Variants in CELF2 observed in about 807,000 individuals in gnomAD.
The protein encoded by CELF2 is CUG triplet repeat RNA-binding protein 2.
Under a neutral mutation model 62.6 loss-of-function variants are expected in CELF2, and 8 were observed. That is an observed-to-expected ratio of 0.13 (90% CI 0.07 to 0.23). The LOEUF (loss-of-function observed/expected upper bound fraction) is 0.23, where lower values mean the gene tolerates loss of function less well. Ranked by LOEUF, CELF2 falls within the 10% of genes least tolerant of loss-of-function variation. CELF2 has a pLI of 1.00. For synonymous variants in CELF2, 258 were observed against 250.0 expected (o/e 1.03, Z -0.30); for missense variants, 333 against 671.0 (o/e 0.50, Z 5.56).
At chr10:11,068,691 G>C (rs1460646216) in intron 1 of CELF2, among the ~76,000 whole-genome samples, 1 of 151,946 alleles carries the variant, frequency 6.6e-6, no homozygotes, top group East Asian at 1.9e-4. Flanking sequence ...CTCCCGAGTA[G>C]CTGGGGCTAC....
chr10:11,140,850 C>A (rs1475786672), intron 1 of CELF2, among the ~76,000 whole-genome samples: 1 of 152,130 alleles, frequency 6.6e-6, no homozygotes, highest in Non-Finnish European at 1.5e-5. Context: ...GAACCCATCT[C>A]TACAAAAAAT....
intron 1 of CELF2, among the ~76,000 whole-genome samples, chr10:10,840,374 A>C (rs2058599049): frequency 6.6e-6 from 1 of 152,208 alleles, no homozygotes. Flanking sequence ...AGCAATTGGC[A>C]TTGCCAATTT....
At chr10:11,113,626 C>G (rs188622726) in intron 1 of CELF2, among the ~76,000 whole-genome samples, 6 of 152,310 alleles carry the variant, frequency 3.9e-5, no homozygotes, top group Admixed American at 3.9e-4. Flanking sequence ...TGCTCTGTAT[C>G]AGAAGCAAGT....
intron 1 of CELF2, among the ~76,000 whole-genome samples, chr10:11,129,675 A>G (rs938778008): frequency 2.0e-5 from 3 of 152,132 alleles, no homozygotes; most frequent in South Asian, 2.1e-4. Context: ...AGAGGTGTTT[A>G]CAGTATTCTC....
At chr10:10,809,778 G>T (rs1350409880) in intron 1 of CELF2, among the ~76,000 whole-genome samples, 1 of 152,098 alleles carries the variant, frequency 6.6e-6, no homozygotes, top group Non-Finnish European at 1.5e-5. Flanking sequence ...TGAAAATAAT[G>T]ATTTAATTTG....
At chr10:10,678,158 C>G in the CELF2 span, among the ~76,000 whole-genome samples, 1 of 151,998 alleles carries the variant, frequency 6.6e-6, no homozygotes, top group Non-Finnish European at 1.5e-5. Flanking sequence ...TGTAAAATTA[C>G]TTTATAGGAG....
the CELF2 span, among the ~76,000 whole-genome samples, chr10:10,607,387 A>G: frequency 6.6e-6 from 1 of 152,206 alleles, no homozygotes; most frequent in Non-Finnish European, 1.5e-5. Context: ...TGTGACTCCC[A>G]TTTGTAACTT....
intron 11 of CELF2, among the ~76,000 whole-genome samples, chr10:11,323,081 G>A (rs369096852): frequency 3.3e-5 from 5 of 151,740 alleles, no homozygotes; most frequent in Non-Finnish European, 4.4e-5. Context: ...AACATGTTTC[G>A]AAACAACATG....
the CELF2 span, among the ~76,000 whole-genome samples, chr10:10,790,493 T>A: frequency 3.3e-5 from 5 of 152,184 alleles, no homozygotes; most frequent in Admixed American, 6.5e-5. Flanking sequence ...TAGAGTATAA[T>A]ACATGATACA....
chr10:10,798,426 C>G (rs1449475425), upstream of CELF2: 3 of 225,784 alleles, frequency 1.3e-5, no homozygotes, highest in African/African-American at 4.5e-5. Flanking sequence ...TGTGTTTGTT[C>G]CCAAAGAAAG....
chr10:10,625,523 A>G, the CELF2 span, among the ~76,000 whole-genome samples: 1 of 152,018 alleles, frequency 6.6e-6, no homozygotes, highest in Non-Finnish European at 1.5e-5. Context: ...TCAGCTGGGA[A>G]TGCAGAGAAG....
chr10:11,013,397 C>G (rs2056777040), upstream of CELF2, among the ~76,000 whole-genome samples: 1 of 152,164 alleles, frequency 6.6e-6, no homozygotes, highest in Non-Finnish European at 1.5e-5. The surrounding 1 kb of genome is among the most constrained non-coding windows in gnomAD (Gnocchi z 4.1). Flanking sequence ...ATCCACAGTG[C>G]TAACATTTCA....
the CELF2 span, among the ~76,000 whole-genome samples, chr10:10,587,373 A>G: frequency 6.6e-6 from 1 of 152,146 alleles, no homozygotes; most frequent in Non-Finnish European, 1.5e-5. Flanking sequence ...ACGCATTTGC[A>G]TTTGAAATCA....
chr10:10,644,461 T>C, the CELF2 span, among the ~76,000 whole-genome samples: 2 of 151,362 alleles, frequency 1.3e-5, no homozygotes, highest in African/African-American at 4.9e-5. Flanking sequence ...GGAGACAGAG[T>C]AGTGTCAGCT....
In CELF2 at chr10:11,324,827, C is replaced by CA. The variant is rs2095637654; in HGVS notation, c.1295-1008dup. 6.6e-6 allele frequency among the ~76,000 whole-genome samples: 1 copy of CA among 152,188 alleles called. No homozygotes were observed. The highest frequency in any genetic ancestry group is 2.1e-4 in the South Asian group (1 of 4,816). On this transcript the variant is annotated intron_variant, in intron 11 of 12. Coordinates refer to ENST00000633077, the MANE Select transcript of CELF2 (RefSeq NM_001326342.2). The surrounding 1 kb of genome is among the most constrained non-coding windows in gnomAD (Gnocchi z 4.7). ...CCCTGGGGTTGCCTAGTTGGGCAGGCAGGCCTGTTCCTCTCCTGTGAAGGC... is the reference window on the plus strand; with the variant it reads ...CCCTGGGGTTGCCTAGTTGGGCAGGCAAGGCCTGTTCCTCTCCTGTGAAGGC...
At chr10:10,591,738 T>G in the CELF2 span, among the ~76,000 whole-genome samples, 26 of 152,354 alleles carry the variant, frequency 1.7e-4, no homozygotes, top group Admixed American at 1.6e-3. Flanking sequence ...TCTGTGGCAA[T>G]TCAGTTCCCA....
the CELF2 span, among the ~76,000 whole-genome samples, chr10:10,700,499 A>G: frequency 6.6e-6 from 1 of 152,226 alleles, no homozygotes; most frequent in Admixed American, 6.5e-5. Context: ...AGCATAGCAT[A>G]AAGATTCCTC....
At position 11,321,666 on chromosome 10, in the gene CELF2, A is replaced by T. The variant is rs2095444436; in HGVS notation, c.1294+280A>T. 6.6e-6 allele frequency among the ~76,000 whole-genome samples: 1 copy of T among 152,178 alleles called. No homozygotes were observed. The highest frequency in any genetic ancestry group is 1.5e-5 in the Non-Finnish European group (1 of 68,016). On this transcript the variant is annotated intron_variant, in intron 11 of 12. Transcript: ENST00000633077. The surrounding 1 kb of genome is among the most constrained non-coding windows in gnomAD (Gnocchi z 6.2). ...TGCCTGTGACTAGCCACTGCACTCC[A>T]TTCGGGGAACACAGACATACCCCTC... is the stretch of plus-strand genomic sequence containing the variant.
intron 2 of CELF2, among the ~76,000 whole-genome samples, chr10:10,945,064 G>A (rs1005747463): frequency 1.3e-5 from 2 of 152,180 alleles, no homozygotes; most frequent in African/African-American, 4.8e-5. Context: ...ATCTGAACAA[G>A]GATGGAAGCA....
Sources: allele counts gnomAD v4.1 joint callset (sites outside exome capture counted in the v4.1 genomes callset), GRCh38; gene constraint gnomAD v4.1.1; non-coding constraint Gnocchi (gnomAD v3.1); transcripts MANE v1.5; gene names NCBI Gene and HGNC (gene_info 2026-07-23, HGNC 2026-07-21).